Variants in SMCR8 observed in about 807,000 individuals in gnomAD.
The protein encoded by SMCR8 is guanine nucleotide exchange protein SMCR8.
Under a neutral mutation model 56.6 loss-of-function variants are expected in SMCR8, and 30 were observed. That is an observed-to-expected ratio of 0.53 (90% CI 0.40 to 0.72). SMCR8 has a LOEUF of 0.72. Among genes scored for constraint, SMCR8 ranks in the 30% least tolerant of loss-of-function variants. The pLI, the probability that SMCR8 is intolerant of heterozygous loss-of-function variation, is 0.00. For synonymous variants in SMCR8, 538 were observed against 456.0 expected (o/e 1.18, Z -2.29); for missense variants, 1,198 against 1,157.0 (o/e 1.04, Z -0.51).
chr17:18,326,062 CAAAA>C lies in SMCR8; in HGVS notation c.*3001_*3004del, dbSNP rs560071064. 4 of 143,604 alleles carry C rather than the reference CAAAA, an allele frequency of 2.8e-5. No individual in the cohort carries two copies. The highest frequency in any genetic ancestry group is 1.0e-4 in the African/African-American group (4 of 39,136). 8.9% of individuals were successfully genotyped at this position (143,604 alleles called of 1,614,324 possible). ...TGGGCAACAAGAGCGAAAACTGTCTCAAAAAAAAAAAATTTTTCATTTGAGGTAT... is the reference window on the plus strand; with the variant it reads ...TGGGCAACAAGAGCGAAAACTGTCTCAAAAAAAATTTTTCATTTGAGGTAT... On this transcript the variant is annotated 3_prime_UTR_variant, in exon 2 of 2. Coordinates refer to ENST00000406438, the MANE Select transcript of SMCR8 (RefSeq NM_144775.3).
Position 18,317,371 on chromosome 17 carries a change from C to T in SMCR8, c.1582C>T (p.Leu528Phe), listed in dbSNP as rs748600621. The change falls in exon 1 of 2, where the codon CTC becomes TTC. Residue 528 changes from leucine (L) to phenylalanine (F), a missense_variant. By Grantham distance (22) the Leu-to-Phe change is conservative (BLOSUM62 0). Coordinates refer to ENST00000406438, the MANE Select transcript of SMCR8 (RefSeq NM_144775.3). Reference sequence around the variant, plus strand: ...CCTCAGTACCTGCCCCTCTGAGGCCCTCATCCCTGATGACTTTAAGGCCAG... The same window carrying T: ...CCTCAGTACCTGCCCCTCTGAGGCCTTCATCCCTGATGACTTTAAGGCCAG... ...EVLSTCPSEA[L>F]IPDDFKASYP... 1.9e-6 allele frequency: 3 copies of T among 1,614,118 alleles called. No homozygotes were observed. Among genetic ancestry groups the T allele is most frequent in the Non-Finnish European group, 2.5e-6 (3 of 1,180,020 alleles).
Position 18,317,409 on chromosome 17 carries a change from C to T in SMCR8, c.1620C>T (p.Ala540=). 1.2e-6 allele frequency: 2 copies of T among 1,614,086 alleles called. No homozygotes were observed. ...PDDFKASYPS[A]INEEESYPDG... is the part of the protein sequence containing the mutation. ...ACTTTAAGGCCAGCTACCCAAGTGC[C>T]ATTAATGAAGAAGAATCATATCCAG... The change falls in exon 1 of 2, where the codon GCC becomes GCT. Residue 540 remains alanine, a synonymous_variant. Transcript: ENST00000406438.
chr17:18,323,072 G>T lies in SMCR8; in HGVS notation c.*2G>T, dbSNP rs749793380. The T allele has an allele frequency of 2.5e-6, 4 of 1,609,858 alleles. No homozygotes were observed. The African/African-American group carries it at 4.0e-5, about 16-fold the overall frequency. On this transcript the variant is annotated 3_prime_UTR_variant, in exon 2 of 2. Coordinates refer to ENST00000406438, the MANE Select transcript of SMCR8 (RefSeq NM_144775.3). Reference sequence around the variant, plus strand: ...CCCAGCTTTTTGTATAAAATCTGAGGTCGGTCCCAGACACTGTGACCAAGA... The same window carrying T: ...CCCAGCTTTTTGTATAAAATCTGAGTTCGGTCCCAGACACTGTGACCAAGA...
chr17:18,319,379 A>G (rs938793504), intron 1 of SMCR8, among the ~76,000 whole-genome samples: 1 of 152,186 alleles, frequency 6.6e-6, no homozygotes, highest in Non-Finnish European at 1.5e-5. Flanking sequence ...CGACACAGGC[A>G]GGCAGACTGG....
At chr17:18,322,263 G>A (rs1018624514) in intron 1 of SMCR8, among the ~76,000 whole-genome samples, 4 of 152,076 alleles carry the variant, frequency 2.6e-5, no homozygotes, top group South Asian at 2.1e-4. Context: ...CGCCTGCCTC[G>A]GCCTCCCAAA....
Position 18,324,232 on chromosome 17 carries a change from G to T in SMCR8, c.*1162G>T, listed in dbSNP as rs865792659. The stretch of plus-strand genomic sequence containing the variant: ...CGCTCTTCAGGTTCTGCCTCTGGGA[G>T]GCTGTGTGCACCTCAGTCACCACAG... On this transcript the variant is annotated 3_prime_UTR_variant, in exon 2 of 2. Coordinates refer to ENST00000406438, the MANE Select transcript of SMCR8 (RefSeq NM_144775.3). 5.9e-5 allele frequency: 9 copies of T among 152,196 alleles called. No homozygotes were observed. Among genetic ancestry groups the T allele is most frequent in the African/African-American group, 2.2e-4 (9 of 41,438 alleles). 9.4% of individuals were successfully genotyped at this position (152,196 alleles called of 1,614,324 possible). A position where few individuals can be genotyped will look rare whatever the true frequency, so the allele number is the denominator to read the frequency against.
chr17:18,326,679 A>T lies in SMCR8; in HGVS notation c.*3609A>T, dbSNP rs1379738487. 3 of 152,276 alleles carry T rather than the reference A, an allele frequency of 2.0e-5. No individual in the cohort carries two copies. Among genetic ancestry groups the T allele is most frequent in the African/African-American group, 7.2e-5 (3 of 41,472 alleles). The allele number at this position is 152,276 out of a possible 1,614,324, so 9.4% of individuals were successfully genotyped here. The stretch of plus-strand genomic sequence containing the variant: ...CCATTTTACAATCCTAGGAAGGCCC[A>T]CCAATTTCATTTCACGCGCCAGGGC... On this transcript the variant is annotated 3_prime_UTR_variant, in exon 2 of 2. Transcript: ENST00000406438.
Position 18,317,052 on chromosome 17 carries a change from T to C in SMCR8, c.1263T>C (p.Ser421=), listed in dbSNP as rs1207261887. The stretch of plus-strand genomic sequence containing the variant: ...TTAGTGTTGGTTCTTACAAGTCCAG[T>C]GTGGAGTCTGTGTTGATCAAGATGG... ...VLISVGSYKS[S]VESVLIKMEQ... is the part of the protein sequence containing the mutation. Residue 421 remains serine, a synonymous_variant, in exon 1 of 2, where the codon AGT becomes AGC. Coordinates refer to ENST00000406438, the MANE Select transcript of SMCR8 (RefSeq NM_144775.3). 1 of 1,614,100 alleles carries C rather than the reference T, an allele frequency of 6.2e-7. No individual in the cohort carries two copies. Among genetic ancestry groups the C allele is most frequent in the African/African-American group, 1.3e-5 (1 of 75,000 alleles).
chr17:18,321,689 G>T (rs897995690), intron 1 of SMCR8, among the ~76,000 whole-genome samples: 1 of 152,128 alleles, frequency 6.6e-6, no homozygotes, highest in Admixed American at 6.6e-5. Context: ...AAAATTATCT[G>T]GGTGTGGTGG....
Position 18,316,979 on chromosome 17 carries a change from G to A in SMCR8, c.1190G>A (p.Arg397Lys), listed in dbSNP as rs1288996522. 1 of 1,614,092 alleles carries A rather than the reference G, an allele frequency of 6.2e-7. No individual in the cohort carries two copies. Among genetic ancestry groups the A allele is most frequent in the African/African-American group, 1.3e-5 (1 of 74,928 alleles). The change falls in exon 1 of 2, where the codon AGG (arginine) becomes AAG (lysine). Residue 397 changes from arginine to lysine, a missense_variant. Transcript: ENST00000406438. ...ATACCCTCTAAGCCCAGTCAAGACA[G>A]GCCGCCTTCCAGTTCTCTAGAAGAA... ...ESIPSKPSQDRPPSSSLEECP... is the reference protein window; with the variant it reads ...ESIPSKPSQDKPPSSSLEECP...
In SMCR8 at chr17:18,316,531, G is replaced by T. The variant is rs1334400220; in HGVS notation, c.742G>T (p.Asp248Tyr). Residue 248 changes from aspartate to tyrosine, a missense_variant, in exon 1 of 2, where the codon GAC becomes TAC. By Grantham distance (160) the Asp-to-Tyr change is radical. Transcript: ENST00000406438. ...SVEKSIIEHQ[D>Y]LLKQIRSYPH... ...GGAGAAGTCCATCATTGAACATCAA[G>T]ACCTGCTGAAGCAGATCCGCTCATA... 3 of 1,614,084 alleles carry T rather than the reference G, an allele frequency of 1.9e-6. No individual in the cohort carries two copies. The highest frequency in any genetic ancestry group is 2.5e-6 in the Non-Finnish European group (3 of 1,180,026).
At position 18,318,067 on chromosome 17, in the gene SMCR8, T is replaced by C. The variant is rs753409507; in HGVS notation, c.2278T>C (p.Tyr760His). The change falls in exon 1 of 2, where the codon TAC becomes CAC. Residue 760 changes from tyrosine (Y) to histidine (H), a missense_variant. Coordinates refer to ENST00000406438, the MANE Select transcript of SMCR8 (RefSeq NM_144775.3). ...TATCTTTGTCCCCAGCTATGGCTGC[T>C]ACGCTAAGCCCGTGAAACATTGGGC... ...LAIFVPSYGC[Y>H]AKPVKHWASS... 6.2e-7 allele frequency: 1 copy of C among 1,614,246 alleles called. No individual in the cohort carries two copies. The highest frequency in any genetic ancestry group is 1.1e-5 in the South Asian group (1 of 91,084).
rs1358452870 is a variant in SMCR8, at chr17:18,323,043, T to C, written c.2787T>C (p.Tyr929=). ...GTSHPMLRFD[Y]VPSFLYKI ...GCCACCCCATGCTCAGGTTTGACTA[T>C]GTCCCCAGCTTTTTGTATAAAATCT... Residue 929 remains tyrosine (Y), a synonymous_variant, in exon 2 of 2, where the codon TAT becomes TAC. Coordinates refer to ENST00000406438, the MANE Select transcript of SMCR8 (RefSeq NM_144775.3). 6.2e-7 allele frequency: 1 copy of C among 1,613,764 alleles called. No individual in the cohort carries two copies. The highest frequency in any genetic ancestry group is 8.5e-7 in the Non-Finnish European group (1 of 1,179,764).
At position 18,315,682 on chromosome 17, in the gene SMCR8, A is replaced by C. The variant is rs1471815735; in HGVS notation, c.-108A>C. The C allele has an allele frequency of 2.7e-6, 3 of 1,097,846 alleles. No homozygotes were observed. The highest frequency in any genetic ancestry group is 3.9e-6 in the Non-Finnish European group (3 of 766,918). 68.0% of individuals were successfully genotyped at this position (1,097,846 alleles called of 1,614,324 possible). On this transcript the variant is annotated 5_prime_UTR_variant, in exon 1 of 2. Coordinates refer to ENST00000406438, the MANE Select transcript of SMCR8 (RefSeq NM_144775.3). The stretch of plus-strand genomic sequence containing the variant: ...CCCCGGGTTCGGGGAGTCGCAAAGA[A>C]GGCCGTAAGGGCTTCACTTCCTTCT...
At chr17:18,319,471 T>C (rs955333521) in intron 1 of SMCR8, among the ~76,000 whole-genome samples, 1 of 152,072 alleles carries the variant, frequency 6.6e-6, no homozygotes, top group African/African-American at 2.4e-5. Context: ...CTCGGAGGTG[T>C]TGCGCTGCAG....
At position 18,323,767 on chromosome 17, in the gene SMCR8, C is replaced by T. The variant is rs921986; in HGVS notation, c.*697C>T. The stretch of plus-strand genomic sequence containing the variant: ...TGAGCGGGCCTTGGGACTCACTCCC[C>T]ATACTCTTTCACCAGGAACGAGCAG... On this transcript the variant is annotated 3_prime_UTR_variant, in exon 2 of 2. Transcript: ENST00000406438. The T allele has an allele frequency of 0.39, 59,510 of 153,336 alleles. 13,309 individuals carry two copies. The highest frequency in any genetic ancestry group is 0.61 in the African/African-American group (25,529 of 41,546). The allele number at this position is 153,336 out of a possible 1,614,324, so 9.5% of individuals were successfully genotyped here. A position where few individuals can be genotyped will look rare whatever the true frequency, so the allele number is the denominator to read the frequency against.
chr17:18,318,746 G>A (rs991125757), intron 1 of SMCR8, among the ~76,000 whole-genome samples: 2 of 152,172 alleles, frequency 1.3e-5, no homozygotes, highest in African/African-American at 2.4e-5. Context: ...ACAAGCCCTC[G>A]AGGTTCTGAT....
chr17:18,317,030 G>T lies in SMCR8; in HGVS notation c.1241G>T (p.Ser414Ile). 1 of 1,614,176 alleles carries T rather than the reference G, an allele frequency of 6.2e-7. No homozygotes were observed. Among genetic ancestry groups the T allele is most frequent in the Non-Finnish European group, 8.5e-7 (1 of 1,180,026 alleles). Residue 414 changes from serine (S) to isoleucine (I), a missense_variant, in exon 1 of 2, where the codon AGT (serine) becomes ATT (isoleucine). Coordinates refer to ENST00000406438, the MANE Select transcript of SMCR8 (RefSeq NM_144775.3). The stretch of plus-strand genomic sequence containing the variant: ...TGCCCAATTCCTAAAGTGTTAATTA[G>T]TGTTGGTTCTTACAAGTCCAGTGTG... Reference protein sequence around the residue: ...EECPIPKVLISVGSYKSSVES... With the variant: ...EECPIPKVLIIVGSYKSSVES...
intron 1 of SMCR8, among the ~76,000 whole-genome samples, chr17:18,319,957 T>A (rs973907072): frequency 2.0e-5 from 3 of 152,198 alleles, no homozygotes; most frequent in African/African-American, 4.8e-5. Context: ...TCGGCCCACC[T>A]CAGCCTTCCG....
Sources: gnomAD v4.1 joint callset for allele counts (sites outside exome capture counted in the v4.1 genomes callset) on GRCh38, gnomAD v4.1.1 for gene constraint, MANE v1.5 for transcripts, NCBI Gene and HGNC (gene_info 2026-07-23, HGNC 2026-07-21) for gene names.